APLN: variants seen among roughly 807,000 people sequenced by gnomAD.
The protein encoded by APLN is apelin.
A neutral mutation model predicts 4.3 loss-of-function variants in APLN; 2 were observed. That is an observed-to-expected ratio of 0.46 (90% confidence interval 0.19 to 1.45). The LOEUF is 1.45. Ranked by LOEUF, APLN falls within the 40% of genes most tolerant of loss-of-function variation. The pLI is 0.25. For synonymous variants in APLN, 34 were observed against 30.4 expected (o/e 1.12, Z -0.38); for missense variants, 80 against 70.0 (o/e 1.14, Z -0.51).
In APLN at chrX:129,647,060, C is replaced by G. The variant is rs1273869496; in HGVS notation, c.*863G>C. The G allele has an allele frequency of 8.5e-6, 1 of 117,296 alleles. No homozygotes were observed. Among genetic ancestry groups the G allele is most frequent in the African/African-American group, 3.2e-5 (1 of 31,063 alleles). 9.7% of individuals were successfully genotyped at this position (117,296 alleles called of 1,213,427 possible). A position where few individuals can be genotyped will look rare whatever the true frequency, so the allele number is the denominator to read the frequency against. ...CCTCTCCAGGCTTCTGTTTTGCAGG[C>G]GTTTGCCTAAGAAGGCTAAGTGACC... On this transcript the variant is annotated 3_prime_UTR_variant, in exon 3 of 3. Coordinates refer to ENST00000429967, the MANE Select transcript of APLN (RefSeq NM_017413.5).
rs999226507 is a variant in APLN at position 129,647,468 on chromosome X, C to G, written c.*455G>C. The G allele has an allele frequency of 7.2e-6, 3 of 416,839 alleles. No individual in the cohort carries two copies. The African/African-American group carries it at 7.9e-5, about 11-fold the overall frequency. The allele number at this position is 416,839 out of a possible 1,213,427, so 34.4% of individuals were successfully genotyped here. On this transcript the variant is annotated 3_prime_UTR_variant, in exon 3 of 3. Transcript: ENST00000429967. Reference sequence around the variant, plus strand: ...TCTCCTTGCTTTTCTCTGCATTCTTCCCTGGAGGCCAGGTGAGGGGTCCAA... The same window carrying G: ...TCTCCTTGCTTTTCTCTGCATTCTTGCCTGGAGGCCAGGTGAGGGGTCCAA...
At chrX:129,648,597 T>C (rs1216884270) in intron 2 of APLN, 24 bp downstream of exon 2, 2 of 1,199,191 alleles carry the variant, frequency 1.7e-6, no homozygotes, top group Admixed American at 2.3e-5. Context: ...TTTAGCACTG[T>C]CCACTGAACA....
Position 129,646,445 on chromosome X carries a change from C to G in APLN, c.*1478G>C, listed in dbSNP as rs1038447923. On this transcript the variant is annotated 3_prime_UTR_variant, in exon 3 of 3. Coordinates refer to ENST00000429967, the MANE Select transcript of APLN (RefSeq NM_017413.5). ...TGATGGCCCCTCACGGAAGCTAGGGCCTCCCGGGGAGAGGGTGCTATTCCT... is the reference window on the plus strand; with the variant it reads ...TGATGGCCCCTCACGGAAGCTAGGGGCTCCCGGGGAGAGGGTGCTATTCCT... 1.2e-4 allele frequency: 13 copies of G among 112,588 alleles called. No homozygotes were observed. The highest frequency in any genetic ancestry group is 4.2e-4 in the African/African-American group (13 of 30,972). 9.3% of individuals were successfully genotyped at this position (112,588 alleles called of 1,213,427 possible).
At chrX:129,652,050 T>C (rs1936981963) in intron 1 of APLN, among the ~76,000 whole-genome samples, 1 of 111,656 alleles carries the variant, frequency 9.0e-6, no homozygotes, top group Admixed American at 9.5e-5. Context: ...CACGGGTGCT[T>C]AGTGCTGAGG....
chrX:129,648,292 GCACCCCTCCC>G (rs1204398380), intron 2 of APLN, among the ~76,000 whole-genome samples: 6 of 112,074 alleles, frequency 5.4e-5, no homozygotes, highest in Non-Finnish European at 1.1e-4. Context: ...TTTGCCCTGG[GCACCCCTCCC>G]CAGCCATTAA....
Position 129,654,662 on chromosome X carries a change from G to A in APLN, c.-32C>T. 2.8e-6 allele frequency: 3 copies of A among 1,069,427 alleles called. No individual in the cohort carries two copies. Among genetic ancestry groups the A allele is most frequent in the South Asian group, 4.8e-5 (2 of 41,787 alleles). 88.1% of individuals were successfully genotyped at this position (1,069,427 alleles called of 1,213,427 possible). ...CCTTGGGCCGCCGCGGCCCCGGCGA[G>A]CCGGCGCGGGGGAGGAGAGGTCGGG... On this transcript the variant is annotated 5_prime_UTR_variant, in exon 1 of 3. Coordinates refer to ENST00000429967, the MANE Select transcript of APLN (RefSeq NM_017413.5).
intron 1 of APLN, among the ~76,000 whole-genome samples, chrX:129,651,109 G>A (rs890834868): frequency 1.9e-5 from 2 of 105,774 alleles, no homozygotes; most frequent in African/African-American, 7.5e-5. Context: ...GAGGGCTAGA[G>A]GCCATATGTC....
intron 1 of APLN, among the ~76,000 whole-genome samples, chrX:129,651,400 T>C (rs1212987414): frequency 8.9e-6 from 1 of 112,120 alleles, no homozygotes; most frequent in Non-Finnish European, 1.9e-5. Context: ...CCTGGCTTTA[T>C]GCTGTCCAAA....
intron 1 of APLN, among the ~76,000 whole-genome samples, chrX:129,653,827 C>T (rs1023291285): frequency 8.9e-6 from 1 of 111,788 alleles, no homozygotes; most frequent in Non-Finnish European, 1.9e-5. Flanking sequence ...AAGGCTGGAG[C>T]CAGGATGTAA....
chrX:129,647,550 C>T lies in APLN; in HGVS notation c.*373G>A, dbSNP rs1300279913. 1.5e-5 allele frequency: 14 copies of T among 905,758 alleles called. No homozygotes were observed. The highest frequency in any genetic ancestry group is 7.0e-5 in the Admixed American group (2 of 28,594). The allele number at this position is 905,758 out of a possible 1,213,427, so 74.6% of individuals were successfully genotyped here. A position where few individuals can be genotyped will look rare whatever the true frequency, so the allele number is the denominator to read the frequency against. On this transcript the variant is annotated 3_prime_UTR_variant, in exon 3 of 3. Transcript: ENST00000429967. ...CACAGAAGGGAGCACTTCCACCCCG[C>T]GCTCAGGGCAGACATGAGGAAGGAA...
chrX:129,648,478 G>T, intron 2 of APLN, 143 bp downstream of exon 2: 1 of 710,604 alleles, frequency 1.4e-6, no homozygotes, highest in Non-Finnish European at 2.0e-6. Context: ...AAGCTCTCTT[G>T]CCAGCTCTAA....
At chrX:129,651,740 T>C (rs1188092723) in intron 1 of APLN, among the ~76,000 whole-genome samples, 2 of 112,323 alleles carry the variant, frequency 1.8e-5, no homozygotes, top group African/African-American at 6.5e-5. Flanking sequence ...TTCAGGAACA[T>C]GCCAGTCTCA....
chrX:129,653,923 GGGA>G (rs1455864389), intron 1 of APLN, among the ~76,000 whole-genome samples: 1 of 111,810 alleles, frequency 8.9e-6, no homozygotes, highest in African/African-American at 3.3e-5. Context: ...CTTGGGGTTA[GGGA>G]GGAGAAGACC....
At position 129,654,682 on chromosome X, in the gene APLN, G is replaced by A. The variant is rs1033414462; in HGVS notation, c.-52C>T. 2.8e-5 allele frequency: 27 copies of A among 976,254 alleles called. No individual in the cohort carries two copies. In the South Asian group the frequency reaches 5.7e-4, roughly 21 times the overall value. 80.5% of individuals were successfully genotyped at this position (976,254 alleles called of 1,213,427 possible). Reference sequence around the variant, plus strand: ...GGCGAGCCGGCGCGGGGGAGGAGAGGTCGGGCGCCCGGAGGCCAAGAAAGG... The same window carrying A: ...GGCGAGCCGGCGCGGGGGAGGAGAGATCGGGCGCCCGGAGGCCAAGAAAGG... On this transcript the variant is annotated 5_prime_UTR_variant, in exon 1 of 3. Transcript: ENST00000429967.
In APLN at chrX:129,646,498, T is replaced by G. The variant is rs748412845; in HGVS notation, c.*1425A>C. On this transcript the variant is annotated 3_prime_UTR_variant, in exon 3 of 3. Transcript: ENST00000429967. ...TGCACTTCCTCCCATCTTTCTTTCC[T>G]TCCTTCTGTTCCTTTGCTTTCTTTT... 1 of 112,549 alleles carries G rather than the reference T, an allele frequency of 8.9e-6. No individual in the cohort carries two copies. Among genetic ancestry groups the G allele is most frequent in the Admixed American group, 9.3e-5 (1 of 10,723 alleles). The allele number at this position is 112,549 out of a possible 1,213,427, so 9.3% of individuals were successfully genotyped here.
chrX:129,654,873 G>C lies in APLN; in HGVS notation c.-243C>G, dbSNP rs985522629. The C allele has an allele frequency of 1.8e-4, 32 of 178,409 alleles. No homozygotes were observed. In the Admixed American group the frequency reaches 2.0e-3, roughly 11 times the overall value. 14.7% of individuals were successfully genotyped at this position (178,409 alleles called of 1,213,427 possible). On this transcript the variant is annotated 5_prime_UTR_variant, in exon 1 of 3. Coordinates refer to ENST00000429967, the MANE Select transcript of APLN (RefSeq NM_017413.5). Reference sequence around the variant, plus strand: ...AGCTGGCCTCGGCGGCTCCGGGAGCGGCAGCGGCGAGCTCTTTCTTAGCGG... The same window carrying C: ...AGCTGGCCTCGGCGGCTCCGGGAGCCGCAGCGGCGAGCTCTTTCTTAGCGG...
At chrX:129,653,634 C>T (rs1420178903) in intron 1 of APLN, among the ~76,000 whole-genome samples, 1 of 112,430 alleles carries the variant, frequency 8.9e-6, no homozygotes, top group African/African-American at 3.2e-5. Context: ...GCTGCTGGGG[C>T]GTGGTTGGGG....
At position 129,648,705 on chromosome X, in the gene APLN, G is replaced by A; in HGVS notation, c.155C>T (p.Pro52Leu). 1 of 1,180,786 alleles carries A rather than the reference G, an allele frequency of 8.5e-7. No homozygotes were observed. Among genetic ancestry groups the A allele is most frequent in the Non-Finnish European group, 1.1e-6 (1 of 879,488 alleles). ...LVQPRGSRNG[P>L]GPWQGGRRKF... ...CCTCCGACCTCCCTGCCAGGGCCCT[G>A]GCCCATTCCTTGACCCTCTGGGCTG... The change falls in exon 2 of 3, where the codon CCA becomes CTA. Residue 52 changes from proline (P) to leucine (L), a missense_variant. Pro to Leu is a moderately conservative substitution (Grantham distance 98, BLOSUM62 -3). Transcript: ENST00000429967.
intron 2 of APLN, 61 bp from the exon 3 acceptor site, chrX:129,647,978 C>T: frequency 1.0e-6 from 1 of 969,478 alleles, no homozygotes; most frequent in Non-Finnish European, 1.3e-6. Flanking sequence ...AAGGAACTCC[C>T]CAGGAAAGGA....
Sources: allele counts gnomAD v4.1 joint callset (sites outside exome capture counted in the v4.1 genomes callset), GRCh38; gene constraint gnomAD v4.1.1; transcripts MANE v1.5; gene names NCBI Gene and HGNC (gene_info 2026-07-23, HGNC 2026-07-21).